MGAT4C: variants seen among roughly 807,000 people sequenced by gnomAD.
The protein encoded by MGAT4C is alpha-1,3-mannosyl-glycoprotein 4-beta-N-acetylglucosaminyltransferase C.
MGAT4C carries 19 observed loss-of-function variants against 40.1 expected under a neutral mutation model. The observed-to-expected ratio is 0.47, with a 90% CI of 0.33 to 0.70. The LOEUF (loss-of-function observed/expected upper bound fraction) is 0.70, where lower values mean the gene tolerates loss of function less well. Ranked by LOEUF, MGAT4C falls within the 30% of genes least tolerant of loss-of-function variation. The pLI is 0.02. For missense variants in MGAT4C, 491 were observed against 563.2 expected, an observed-to-expected ratio of 0.87 and a Z score of 1.30; for synonymous variants, 181 against 187.1, an observed-to-expected ratio of 0.97 and a Z score of 0.27.
chr12:86,034,945 T>C (rs1172287338), intron 2 of MGAT4C, among the ~76,000 whole-genome samples: 1 of 150,136 alleles, frequency 6.7e-6, no homozygotes, highest in Non-Finnish European at 1.5e-5. Flanking sequence ...TTCCATAGTG[T>C]ATATGTGACA....
intron 2 of MGAT4C, among the ~76,000 whole-genome samples, chr12:86,463,121 G>A (rs762219365): frequency 2.6e-5 from 4 of 152,020 alleles, no homozygotes; most frequent in African/African-American, 7.2e-5. Context: ...GAGCCCAGCC[G>A]GGACACCCTG....
rs1422707164 is a variant in MGAT4C at position 85,975,277 on chromosome 12, T to G, written c.*4012A>C. Reference sequence around the variant, plus strand: ...AGGGCAGTAAATTTTATAATTGTTATTGATTACAATGAAGGCCTCTGGTAA... The same window carrying G: ...AGGGCAGTAAATTTTATAATTGTTAGTGATTACAATGAAGGCCTCTGGTAA... On this transcript the variant is annotated 3_prime_UTR_variant, in exon 5 of 5. Transcript: ENST00000611864. 6.6e-6 allele frequency: 1 copy of G among 151,038 alleles called. No individual in the cohort carries two copies. The highest frequency in any genetic ancestry group is 1.9e-4 in the East Asian group (1 of 5,198). 9.4% of individuals were successfully genotyped at this position (151,038 alleles called of 1,614,324 possible).
intron 3 of MGAT4C, among the ~76,000 whole-genome samples, chr12:86,367,643 C>CA (rs1355092534): frequency 5.3e-5 from 8 of 151,942 alleles, no homozygotes; most frequent in Non-Finnish European, 1.2e-4. Flanking sequence ...ACTAAAAATA[C>CA]AAAAAATTAG....
chr12:86,555,640 T>C (rs942381292), intron 2 of MGAT4C, among the ~76,000 whole-genome samples: 2 of 152,196 alleles, frequency 1.3e-5, no homozygotes, highest in Admixed American at 1.3e-4. Flanking sequence ...CGATTGTATC[T>C]TGAGTTAAAA....
At chr12:86,752,259 G>T (rs1268391307) in intron 1 of MGAT4C, among the ~76,000 whole-genome samples, 1 of 151,962 alleles carries the variant, frequency 6.6e-6, no homozygotes, top group Non-Finnish European at 1.5e-5. Flanking sequence ...CAATCATTCA[G>T]TTAGTGACAT....
At chr12:86,207,491 C>T (rs1950303234) in intron 1 of MGAT4C, among the ~76,000 whole-genome samples, 1 of 151,924 alleles carries the variant, frequency 6.6e-6, no homozygotes, top group Non-Finnish European at 1.5e-5. Context: ...CTCCCTGTGT[C>T]CATGTGTTCT....
At chr12:86,344,911 A>C (rs890165345) in intron 3 of MGAT4C, among the ~76,000 whole-genome samples, 1 of 152,044 alleles carries the variant, frequency 6.6e-6, no homozygotes, top group African/African-American at 2.4e-5. Context: ...AGTTTGTGAC[A>C]ATTTGAACAA....
chr12:86,519,209 CTA>C (rs1755230416), intron 2 of MGAT4C, among the ~76,000 whole-genome samples: 1 of 152,126 alleles, frequency 6.6e-6, no homozygotes, highest in African/African-American at 2.4e-5. Flanking sequence ...ACCTCCAGTT[CTA>C]TGTTGCTGCA....
intron 1 of MGAT4C, among the ~76,000 whole-genome samples, chr12:86,780,628 T>A (rs1951821849): frequency 6.6e-6 from 1 of 152,202 alleles, no homozygotes; most frequent in Non-Finnish European, 1.5e-5. Flanking sequence ...TCAGCCATGC[T>A]TCGTGTACAG....
chr12:86,699,090 A>G (rs181900666), intron 2 of MGAT4C, among the ~76,000 whole-genome samples: 55 of 152,282 alleles, frequency 3.6e-4, no homozygotes, highest in African/African-American at 1.2e-3. Context: ...TCATCATTAA[A>G]TAGGAATTCT....
chr12:86,645,114 T>C (rs1250581654), intron 2 of MGAT4C, among the ~76,000 whole-genome samples: 1 of 151,570 alleles, frequency 6.6e-6, no homozygotes, highest in Admixed American at 6.6e-5. Context: ...AAATACATTA[T>C]ATTTAAAATA....
intron 3 of MGAT4C, among the ~76,000 whole-genome samples, chr12:86,360,801 G>C (rs1056239115): frequency 2.0e-5 from 3 of 152,150 alleles, no homozygotes; most frequent in African/African-American, 7.2e-5. Flanking sequence ...ACCTCTTCAA[G>C]GAGAACAACA....
At chr12:86,557,255 A>C (rs1959654717) in intron 2 of MGAT4C, among the ~76,000 whole-genome samples, 1 of 152,182 alleles carries the variant, frequency 6.6e-6, no homozygotes, top group South Asian at 2.1e-4. Flanking sequence ...GAAATAAATA[A>C]ATAATAACTT....
intron 1 of MGAT4C, among the ~76,000 whole-genome samples, chr12:86,800,786 C>T (rs143137370): frequency 2.6e-5 from 4 of 151,986 alleles, no homozygotes; most frequent in African/African-American, 9.6e-5. Flanking sequence ...TTCTCCATGA[C>T]CAAAATTTTG....
chr12:86,261,559 T>C (rs1312620028), intron 4 of MGAT4C, among the ~76,000 whole-genome samples: 1 of 152,086 alleles, frequency 6.6e-6, no homozygotes, highest in Non-Finnish European at 1.5e-5. Context: ...TTTTAAGATA[T>C]ATAATAATGT....
At chr12:86,315,287 G>A (rs750097456) in intron 4 of MGAT4C, among the ~76,000 whole-genome samples, 23 of 152,054 alleles carry the variant, frequency 1.5e-4, no homozygotes, top group Admixed American at 9.2e-4. Context: ...TAAATAAATG[G>A]TACTTGGATA....
At chr12:86,032,635 T>C (rs1379884701) in intron 2 of MGAT4C, among the ~76,000 whole-genome samples, 1 of 149,960 alleles carries the variant, frequency 6.7e-6, no homozygotes, top group East Asian at 1.9e-4. Flanking sequence ...TATTAATTTG[T>C]TTAAATTCCT....
At chr12:86,127,266 G>C (rs1419123211) in intron 1 of MGAT4C, among the ~76,000 whole-genome samples, 1 of 152,174 alleles carries the variant, frequency 6.6e-6, no homozygotes, top group Non-Finnish European at 1.5e-5. Flanking sequence ...AGTGTAGACA[G>C]TTTTAACACA....
chr12:86,584,000 A>G (rs1960899326), intron 2 of MGAT4C, among the ~76,000 whole-genome samples: 1 of 150,992 alleles, frequency 6.6e-6, no homozygotes. Flanking sequence ...ATATTTAAAA[A>G]TACAAGTCAA....
Sources: gnomAD v4.1 joint callset for allele counts (sites outside exome capture counted in the v4.1 genomes callset) on GRCh38, gnomAD v4.1.1 for gene constraint, MANE v1.5 for transcripts, NCBI Gene and HGNC (gene_info 2026-07-23, HGNC 2026-07-21) for gene names.